The following ANK2 variants were observed in gnomAD, a reference collection of about 807,000 sequenced individuals.
The protein encoded by ANK2 is ankyrin-2.
A neutral mutation model predicts 360.5 loss-of-function variants in ANK2; 83 were observed. That is an observed-to-expected ratio of 0.23 (90% CI 0.19 to 0.28). The LOEUF (loss-of-function observed/expected upper bound fraction) is 0.28, where lower values mean the gene tolerates loss of function less well. Among genes scored for constraint, ANK2 ranks in the 10% least tolerant of loss-of-function variants. The probability of loss-of-function intolerance (pLI) is 1.00; values close to 1 mark genes in which losing one functional copy is unlikely to be tolerated. For missense variants in ANK2, 4,201 were observed against 4,795.7 expected, an observed-to-expected ratio of 0.88 and a Z score of 3.66; for synonymous variants, 1,740 against 1,759.5, an observed-to-expected ratio of 0.99 and a Z score of 0.28.
chr4:112,733,963 C>A, the ANK2 span, among the ~76,000 whole-genome samples: 5 of 152,096 alleles, frequency 3.3e-5, no homozygotes, highest in Non-Finnish European at 7.4e-5. Flanking sequence ...TTAGTAGAGA[C>A]GGGGTTTCAC....
chr4:113,187,167 A>G (rs1562735793), intron 2 of ANK2, among the ~76,000 whole-genome samples: 1 of 152,112 alleles, frequency 6.6e-6, no homozygotes, highest in Non-Finnish European at 1.5e-5. Flanking sequence ...CTCAGTGGGT[A>G]TGCAGTCATT....
chr4:113,363,566 GCCATTAA>G, intron 40 of ANK2, 97 bp downstream of exon 40: 2 of 1,374,102 alleles, frequency 1.5e-6, no homozygotes, highest in Non-Finnish European at 2.1e-6. Context: ...AGAAGCAAAT[GCCATTAA>G]TCTGCAGTAC....
chr4:113,237,738 T>A, intron 7 of ANK2, 116 bp downstream of exon 7: 2 of 1,001,962 alleles, frequency 2.0e-6, no homozygotes, highest in Non-Finnish European at 3.2e-6. Context: ...AATGGGAAAT[T>A]AATTTGAAAA....
chr4:112,967,007 G>T (rs193118220), intron 2 of ANK2, among the ~76,000 whole-genome samples: 1 of 152,152 alleles, frequency 6.6e-6, no homozygotes, highest in African/African-American at 2.4e-5. Flanking sequence ...GGTGTCCTTA[G>T]GACACATTAA....
At chr4:112,839,959 G>T (rs2061754564) in intron 1 of ANK2, among the ~76,000 whole-genome samples, 1 of 152,176 alleles carries the variant, frequency 6.6e-6, no homozygotes, top group Non-Finnish European at 1.5e-5. Flanking sequence ...TCTTCTGTAT[G>T]TTGAGCTATG....
chr4:113,296,185 A>T (rs1052684844), intron 22 of ANK2, among the ~76,000 whole-genome samples: 9 of 152,176 alleles, frequency 5.9e-5, no homozygotes, highest in African/African-American at 2.2e-4. Flanking sequence ...AATTTTGTGA[A>T]GAAACTGTTT....
chr4:113,238,295 A>G (rs938366632), intron 7 of ANK2, among the ~76,000 whole-genome samples: 2 of 152,194 alleles, frequency 1.3e-5, no homozygotes, highest in African/African-American at 4.8e-5. Context: ...AGACACTAAC[A>G]CGAACATTGT....
chr4:113,089,858 A>G lies in ANK2; in HGVS notation c.84+40046A>G, dbSNP rs11372621. Among the ~76,000 whole-genome samples, 76 of 5,862 alleles carry G rather than the reference A, an allele frequency of 0.013. No homozygotes were observed. The African/African-American group carries it at 0.19, about 15-fold the overall frequency. The allele number at this position is 5,862 out of a possible 152,430, so 3.8% of individuals were successfully genotyped here. A position where few individuals can be genotyped will look rare whatever the true frequency, so the allele number is the denominator to read the frequency against. On this transcript the variant is annotated intron_variant, in intron 1 of 45. Coordinates refer to ENST00000357077, the MANE Select transcript of ANK2 (RefSeq NM_001148.6). ...TTAAAATAAAAATAAAAAAGCTGATAAAAAAATATATGAAACAACCTCCTG... is the reference window on the plus strand; with the variant it reads ...TTAAAATAAAAATAAAAAAGCTGATGAAAAAATATATGAAACAACCTCCTG...
intron 1 of ANK2, among the ~76,000 whole-genome samples, chr4:112,847,721 T>TA (rs1308480757): frequency 6.6e-6 from 1 of 152,244 alleles, no homozygotes; most frequent in African/African-American, 2.4e-5. Flanking sequence ...CTTCAATATA[T>TA]AAAAAAATAA....
At chr4:113,027,054 G>A (rs181272289) in intron 2 of ANK2, among the ~76,000 whole-genome samples, 17 of 152,236 alleles carry the variant, frequency 1.1e-4, no homozygotes, top group African/African-American at 3.6e-4. Context: ...TGAAGATGGC[G>A]TGCTGGATAT....
intron 2 of ANK2, among the ~76,000 whole-genome samples, chr4:112,999,479 T>A (rs1289908010): frequency 6.6e-6 from 1 of 152,142 alleles, no homozygotes; most frequent in Admixed American, 6.6e-5. Flanking sequence ...CCATTCTGCC[T>A]CTCACCTGAC....
At chr4:113,136,809 T>A (rs1320662937) in intron 1 of ANK2, among the ~76,000 whole-genome samples, 1 of 147,560 alleles carries the variant, frequency 6.8e-6, no homozygotes, top group Non-Finnish European at 1.5e-5. Context: ...CAGGCTGGAG[T>A]GCAGCAGTAC....
At chr4:113,318,732 C>T (rs1258282375) in intron 26 of ANK2, 112 bp downstream of exon 26, 1 of 877,798 alleles carries the variant, frequency 1.1e-6, no homozygotes, top group Non-Finnish European at 1.8e-6. Context: ...GTGGAGGTGC[C>T]CTTTGTTTAA....
intron 1 of ANK2, among the ~76,000 whole-genome samples, chr4:113,163,542 A>T (rs62313838): frequency 1.3e-4 from 20 of 151,074 alleles, no homozygotes; most frequent in Non-Finnish European, 2.5e-4. Flanking sequence ...AGGCGGGTGG[A>T]TCATCTGAGG....
At chr4:112,731,350 T>G in the ANK2 span, among the ~76,000 whole-genome samples, 598 of 151,992 alleles carry the variant, frequency 3.9e-3, 3 homozygotes, top group African/African-American at 0.014. Flanking sequence ...TTAACTAACT[T>G]GATTTACGTA....
At chr4:113,070,876 A>G (rs143025979) in intron 1 of ANK2, among the ~76,000 whole-genome samples, 5 of 152,214 alleles carry the variant, frequency 3.3e-5, no homozygotes, top group East Asian at 1.9e-4. Context: ...GCCCAAAACA[A>G]TAAGCCCCCG....
the ANK2 span, among the ~76,000 whole-genome samples, chr4:112,744,421 A>G: frequency 3.8e-4 from 56 of 147,020 alleles, no homozygotes; most frequent in Middle Eastern, 3.6e-3. Flanking sequence ...ACCTCGGCTC[A>G]CTGTAGCCCC....
intron 2 of ANK2, among the ~76,000 whole-genome samples, chr4:113,019,520 C>A (rs922144786): frequency 1.3e-5 from 2 of 151,998 alleles, no homozygotes; most frequent in African/African-American, 4.8e-5. Flanking sequence ...AACTATTTTT[C>A]TTGGTTTGTA....
intron 1 of ANK2, among the ~76,000 whole-genome samples, chr4:113,099,953 T>C (rs2092531809): frequency 6.6e-6 from 1 of 152,078 alleles, no homozygotes; most frequent in Non-Finnish European, 1.5e-5. Flanking sequence ...GCAGATATTA[T>C]ACTTTTCGCA....
Sources: allele counts gnomAD v4.1 joint callset (sites outside exome capture counted in the v4.1 genomes callset), GRCh38; gene constraint gnomAD v4.1.1; transcripts MANE v1.5; gene names NCBI Gene and HGNC (gene_info 2026-07-23, HGNC 2026-07-21).